Variants in LHFPL3 observed in about 807,000 individuals in gnomAD.
The protein encoded by LHFPL3 is LHFPL tetraspan subfamily member 3 protein.
In LHFPL3, 5 loss-of-function variants were observed where a neutral mutation model predicts 19.3. That is an observed-to-expected ratio of 0.26 (90% CI 0.14 to 0.54). The LOEUF (loss-of-function observed/expected upper bound fraction) is 0.54. LHFPL3 is among the 20% of genes least tolerant of loss of function. The pLI is 0.94. For synonymous variants in LHFPL3, 133 were observed against 126.2 expected, an observed-to-expected ratio of 1.05 and a Z score of -0.36; for missense variants, 249 against 307.4, an observed-to-expected ratio of 0.81 and a Z score of 1.42.
chr7:104,361,886 A>G (rs60247243), intron 1 of LHFPL3, among the ~76,000 whole-genome samples: 7,456 of 152,276 alleles, frequency 0.049, 602 homozygotes, highest in African/African-American at 0.17. Flanking sequence ...TCTTGACACA[A>G]TGTAAGATTT....
At chr7:104,838,943 A>G (rs1011259829) in intron 2 of LHFPL3, among the ~76,000 whole-genome samples, 1 of 152,246 alleles carries the variant, frequency 6.6e-6, no homozygotes, top group African/African-American at 2.4e-5. Flanking sequence ...AAACTGAAAC[A>G]ATGCTGTAAG....
chr7:104,334,830 T>TA (rs1417071073), intron 1 of LHFPL3, among the ~76,000 whole-genome samples: 1 of 152,246 alleles, frequency 6.6e-6, no homozygotes, highest in African/African-American at 2.4e-5. Context: ...ATTTTCTCAT[T>TA]AAAAAAACCT....
intron 1 of LHFPL3, among the ~76,000 whole-genome samples, chr7:104,609,666 A>G (rs1367685898): frequency 2.0e-5 from 3 of 152,242 alleles, no homozygotes; most frequent in African/African-American, 7.2e-5. Flanking sequence ...AGTTCCTGCC[A>G]AGCTTGTTTG....
intron 1 of LHFPL3, among the ~76,000 whole-genome samples, chr7:104,552,074 G>A (rs1026774367): frequency 3.1e-4 from 47 of 152,108 alleles, no homozygotes; most frequent in Non-Finnish European, 1.9e-4. Context: ...ACATGCCTTG[G>A]GCAAGTTACT....
intron 1 of LHFPL3, among the ~76,000 whole-genome samples, chr7:104,434,721 A>G (rs1197797219): frequency 6.6e-6 from 1 of 152,220 alleles, no homozygotes; most frequent in Non-Finnish European, 1.5e-5. Flanking sequence ...TAGATTTGAA[A>G]AGTGATTATA....
In LHFPL3 at chr7:104,848,914, G is replaced by T. The variant is rs552004110; in HGVS notation, c.683-57273G>T. Among the ~76,000 whole-genome samples, 292 of 148,280 alleles carry T rather than the reference G, an allele frequency of 2.0e-3. 1 individual carries two copies. The highest frequency in any genetic ancestry group is 0.017 in the South Asian group (81 of 4,678). On this transcript the variant is annotated intron_variant, in intron 2 of 2. Coordinates refer to ENST00000424859, the MANE Select transcript of LHFPL3 (RefSeq NM_199000.3). ...TTGTTTTTTTGGTTTTTTTTTTGTT[G>T]TTGTTGTTGTTGTTGTAGACAAAAT...
At chr7:104,633,080 G>A (rs1174898031) in intron 1 of LHFPL3, among the ~76,000 whole-genome samples, 1 of 152,192 alleles carries the variant, frequency 6.6e-6, no homozygotes, top group Non-Finnish European at 1.5e-5. Flanking sequence ...TGAGAATGAT[G>A]ACAGTTGATG....
At chr7:104,414,049 C>T (rs1791577800) in intron 1 of LHFPL3, among the ~76,000 whole-genome samples, 2 of 151,708 alleles carry the variant, frequency 1.3e-5, no homozygotes, top group Admixed American at 1.3e-4. Context: ...TAATGTTAAT[C>T]CCTTTATCCC....
intron 1 of LHFPL3, among the ~76,000 whole-genome samples, chr7:104,641,646 T>G (rs1791838226): frequency 6.6e-6 from 1 of 152,152 alleles, no homozygotes. Flanking sequence ...GCTGATGCGC[T>G]CTGGCCTGTG....
intron 1 of LHFPL3, among the ~76,000 whole-genome samples, chr7:104,708,986 C>A (rs2116205622): frequency 6.6e-6 from 1 of 152,068 alleles, no homozygotes; most frequent in South Asian, 2.1e-4. Flanking sequence ...TATGTAAAAC[C>A]ACTTTAGGTC....
intron 1 of LHFPL3, among the ~76,000 whole-genome samples, chr7:104,577,064 C>G (rs921561540): frequency 1.3e-5 from 2 of 152,266 alleles, no homozygotes; most frequent in South Asian, 2.1e-4. Flanking sequence ...ATCTGATAGC[C>G]TCAGCTTTCT....
At chr7:104,780,954 G>A (rs1794707378) in intron 2 of LHFPL3, among the ~76,000 whole-genome samples, 1 of 152,114 alleles carries the variant, frequency 6.6e-6, no homozygotes, top group Non-Finnish European at 1.5e-5. Context: ...TTTCTGACCA[G>A]TGTGCCCTCA....
At chr7:104,532,304 CT>C (rs1794312940) in intron 1 of LHFPL3, among the ~76,000 whole-genome samples, 1 of 104,066 alleles carries the variant, frequency 9.6e-6, no homozygotes, top group South Asian at 3.3e-4. Context: ...TTCTTTTTTT[CT>C]TTTTCTTTCT....
At chr7:104,806,835 C>G (rs1043590945) in intron 2 of LHFPL3, among the ~76,000 whole-genome samples, 2 of 152,192 alleles carry the variant, frequency 1.3e-5, no homozygotes, top group Non-Finnish European at 2.9e-5. Context: ...TTCCCTCACT[C>G]TCCTTGCTGC....
At chr7:104,713,589 C>A (rs1024236493) in intron 1 of LHFPL3, among the ~76,000 whole-genome samples, 3 of 152,124 alleles carry the variant, frequency 2.0e-5, no homozygotes, top group African/African-American at 4.8e-5. Flanking sequence ...CACCTCCCAC[C>A]AGACCCCTCC....
intron 1 of LHFPL3, among the ~76,000 whole-genome samples, chr7:104,453,530 G>T (rs1482955220): frequency 6.6e-6 from 1 of 152,144 alleles, no homozygotes; most frequent in East Asian, 1.9e-4. Flanking sequence ...GGAGCAAAAA[G>T]AACTTACAAT....
intron 2 of LHFPL3, among the ~76,000 whole-genome samples, chr7:104,890,134 T>C (rs1792216453): frequency 6.6e-6 from 1 of 151,984 alleles, no homozygotes; most frequent in South Asian, 2.1e-4. Flanking sequence ...CCTCTTCCCT[T>C]CAAAAAATAA....
chr7:104,858,888 G>A (rs1791560873), intron 2 of LHFPL3, among the ~76,000 whole-genome samples: 1 of 151,618 alleles, frequency 6.6e-6, no homozygotes, highest in Non-Finnish European at 1.5e-5. Context: ...AACAGTGCAG[G>A]ACCACTACCT....
intron 1 of LHFPL3, among the ~76,000 whole-genome samples, chr7:104,735,677 T>C (rs1055159157): frequency 2.6e-5 from 4 of 152,248 alleles, no homozygotes; most frequent in Non-Finnish European, 5.9e-5. Flanking sequence ...GGTGAGGCAA[T>C]GCATCGCCCT....
Sources: gnomAD v4.1 joint callset for allele counts (sites outside exome capture counted in the v4.1 genomes callset) on GRCh38, gnomAD v4.1.1 for gene constraint, MANE v1.5 for transcripts, NCBI Gene and HGNC (gene_info 2026-07-23, HGNC 2026-07-21) for gene names.